The following SNUPN variants were observed in gnomAD, a reference collection of about 807,000 sequenced individuals.
The protein encoded by SNUPN is snurportin 1.
A neutral mutation model predicts 39.2 loss-of-function variants in SNUPN; 31 were observed. The observed-to-expected ratio is 0.79, with a 90% confidence interval of 0.59 to 1.07. SNUPN has a LOEUF of 1.07. SNUPN is among the 50% of genes least tolerant of loss of function. The pLI, the probability that SNUPN is intolerant of heterozygous loss-of-function variation, is 0.00. For synonymous variants in SNUPN, 132 were observed against 159.0 expected (o/e 0.83, Z 1.28); for missense variants, 382 against 434.2 (o/e 0.88, Z 1.07).
At chr15:75,600,913 G>A (rs1420689643) in intron 8 of SNUPN, 4 of 447,372 alleles carry the variant, frequency 8.9e-6, no homozygotes, top group East Asian at 4.3e-5. Flanking sequence ...GGAGTTGGAC[G>A]AGCTGTCCAT....
chr15:75,608,932 G>C (rs535953836), intron 5 of SNUPN, among the ~76,000 whole-genome samples: 2 of 152,102 alleles, frequency 1.3e-5, no homozygotes, highest in African/African-American at 4.8e-5. Flanking sequence ...TTGAGGCCAG[G>C]AGTTCAAGAC....
chr15:75,607,920 C>T, intron 5 of SNUPN, among the ~76,000 whole-genome samples: 1 of 152,154 alleles, frequency 6.6e-6, no homozygotes, highest in East Asian at 1.9e-4. Context: ...GAGGGCATTT[C>T]AGACCCAAGT....
chr15:75,608,783 T>C (rs377041118), intron 5 of SNUPN, among the ~76,000 whole-genome samples: 2 of 152,212 alleles, frequency 1.3e-5, no homozygotes, highest in Non-Finnish European at 2.9e-5. Flanking sequence ...CTGGGGACGC[T>C]TGACCTTGAA....
intron 1 of SNUPN, among the ~76,000 whole-genome samples, chr15:75,622,814 C>T (rs980771008): frequency 5.3e-5 from 8 of 152,170 alleles, no homozygotes; most frequent in African/African-American, 1.9e-4. Flanking sequence ...TGATTTGAAA[C>T]ATTAGATTTT....
chr15:75,620,966 G>A lies in SNUPN; in HGVS notation c.86C>T (p.Ser29Phe). Residue 29 changes from serine (S) to phenylalanine (F), a missense_variant, in exon 2 of 9, where the codon TCC becomes TTC. Transcript: ENST00000308588. ...NSTAAPHPRLSQYKSKYSSLE... is the reference protein window; with the variant it reads ...NSTAAPHPRLFQYKSKYSSLE... The stretch of plus-strand genomic sequence containing the variant: ...GGAACTGTACTTGGACTTGTACTGG[G>A]ATAGGCGGGGGTGTGGGGCAGCTGT... The A allele has an allele frequency of 6.2e-7, 1 of 1,614,116 alleles. No homozygotes were observed.
chr15:75,611,656 A>C (rs1335793482), intron 3 of SNUPN, among the ~76,000 whole-genome samples: 2 of 151,272 alleles, frequency 1.3e-5, no homozygotes, highest in Admixed American at 6.6e-5. Flanking sequence ...AGAAATCGAG[A>C]CCATCCTGGC....
intron 4 of SNUPN, 67 bp downstream of exon 4, chr15:75,609,823 T>A (rs140688075): frequency 1.5e-6 from 2 of 1,344,562 alleles, no homozygotes; most frequent in Non-Finnish European, 1.1e-6. Flanking sequence ...ATGAGGAAAA[T>A]GGAGCACAAA....
intron 1 of SNUPN, among the ~76,000 whole-genome samples, chr15:75,623,427 G>A (rs1304599743): frequency 1.3e-5 from 2 of 150,886 alleles, no homozygotes; most frequent in African/African-American, 4.9e-5. Context: ...GGGATTACAG[G>A]TGTGAGCCAC....
intron 3 of SNUPN, among the ~76,000 whole-genome samples, chr15:75,617,106 T>C (rs1453221677): frequency 2.0e-5 from 3 of 152,250 alleles, no homozygotes; most frequent in Admixed American, 6.5e-5. Context: ...TGTGTTACTA[T>C]ATCAATAGCT....
intron 3 of SNUPN, 41 bp downstream of exon 3, chr15:75,617,367 G>T (rs1477954947): frequency 2.5e-6 from 4 of 1,598,844 alleles, no homozygotes; most frequent in Non-Finnish European, 3.4e-6. Flanking sequence ...ATAGTAAAGG[G>T]AGTGAGATTA....
intron 1 of SNUPN, 192 bp downstream of exon 1, chr15:75,625,474 T>A (rs1172986066): frequency 1.3e-5 from 2 of 151,534 alleles, no homozygotes; most frequent in African/African-American, 4.9e-5. Context: ...CAGAAGTCCC[T>A]GAGGGGTCCT....
intron 3 of SNUPN, among the ~76,000 whole-genome samples, chr15:75,611,599 A>G (rs998992040): frequency 4.0e-5 from 6 of 151,716 alleles, no homozygotes; most frequent in African/African-American, 1.5e-4. Context: ...GCTCACGCCT[A>G]TAATCCCAGC....
At chr15:75,600,293 G>A (rs542695411) in intron 8 of SNUPN, among the ~76,000 whole-genome samples, 4 of 141,350 alleles carry the variant, frequency 2.8e-5, no homozygotes, top group Non-Finnish European at 6.1e-5. Flanking sequence ...TTTTTTTTTT[G>A]AGACAGAGTC....
chr15:75,622,508 G>A (rs983409681), intron 1 of SNUPN: 11 of 984,456 alleles, frequency 1.1e-5, no homozygotes, highest in Non-Finnish European at 1.3e-5. Flanking sequence ...ATGGGAGTGG[G>A]GAGAAAGGTG....
Position 75,607,311 on chromosome 15 carries a change from A to T in SNUPN, c.505T>A (p.Tyr169Asn). The part of the protein sequence containing the change: ...GNRRNSTAKD[Y>N]TILDCIYNEV... ...TTGTAAATGCAATCTAGAATGGTGT[A>T]GTCTGAGGACACAAAGCAGAAAGTC... The change falls in exon 6 of 9, where the codon TAC (tyrosine) becomes AAC (asparagine). Residue 169 changes from tyrosine to asparagine, a missense_variant and splice_region_variant. Transcript: ENST00000308588. 1.2e-6 allele frequency: 2 copies of T among 1,605,698 alleles called. No homozygotes were observed. The highest frequency in any genetic ancestry group is 2.2e-5 in the South Asian group (2 of 90,900).
chr15:75,601,048 A>G, intron 8 of SNUPN, 90 bp downstream of exon 8: 2 of 961,748 alleles, frequency 2.1e-6, no homozygotes, highest in South Asian at 2.6e-5. Flanking sequence ...TTGACACAGC[A>G]CAATCAAGGA....
Position 75,601,073 on chromosome 15 carries a change from T to G in SNUPN, c.759+65A>C, listed in dbSNP as rs749386125. On this transcript the variant is annotated intron_variant, in intron 8 of 8. Transcript: ENST00000308588. ...ACAATCAAGGAATATTTTAAGACTT[T>G]GTGTAACTAAGTCTCTCTGCAGCCT... The G allele has an allele frequency of 2.6e-6, 3 of 1,134,358 alleles. No homozygotes were observed. In the East Asian group the frequency reaches 7.1e-5, roughly 27 times the overall value. The allele number at this position is 1,134,358 out of a possible 1,614,324, so 70.3% of individuals were successfully genotyped here.
rs539701571 is a variant in SNUPN at position 75,611,953 on chromosome 15, A to G, written c.304-1959T>C. ...CTTCTTGATGCTGCCTTCTTGCTCA[A>G]TCTGACAGCCACAGTCCAGATTTCC... On this transcript the variant is annotated intron_variant, in intron 3 of 8. Coordinates refer to ENST00000308588, the MANE Select transcript of SNUPN (RefSeq NM_005701.4). 9.2e-5 allele frequency among the ~76,000 whole-genome samples: 14 copies of G among 152,080 alleles called. No homozygotes were observed. In the South Asian group the frequency reaches 2.9e-3, roughly 32 times the overall value.
At chr15:75,603,489 G>T (rs1595982009) in intron 7 of SNUPN, among the ~76,000 whole-genome samples, 1 of 149,796 alleles carries the variant, frequency 6.7e-6, no homozygotes, top group African/African-American at 2.4e-5. Flanking sequence ...GTGAAACCCC[G>T]TCTCTACTAA....
Sources: gnomAD v4.1 joint callset for allele counts (sites outside exome capture counted in the v4.1 genomes callset) on GRCh38, gnomAD v4.1.1 for gene constraint, MANE v1.5 for transcripts, NCBI Gene and HGNC (gene_info 2026-07-23, HGNC 2026-07-21) for gene names.